Variants in TMEM163 observed in about 807,000 individuals in gnomAD.
The protein encoded by TMEM163 is transmembrane protein 163.
A neutral mutation model predicts 29.3 loss-of-function variants in TMEM163; 17 were observed. The ratio of observed to expected loss-of-function variants is 0.58; its 90% CI spans 0.40 to 0.87. The LOEUF (loss-of-function observed/expected upper bound fraction) is 0.87. TMEM163 is among the 40% of genes least tolerant of loss of function. The pLI, the probability that TMEM163 is intolerant of heterozygous loss-of-function variation, is 0.00. For missense variants in TMEM163, 303 were observed against 381.5 expected (o/e 0.79, Z 1.71); for synonymous variants, 157 against 160.6 (o/e 0.98, Z 0.17).
At chr2:134,709,177 CT>C (rs915580948) in intron 2 of TMEM163, among the ~76,000 whole-genome samples, 5 of 152,136 alleles carry the variant, frequency 3.3e-5, no homozygotes, top group East Asian at 1.9e-4. Flanking sequence ...TTAAAACAGA[CT>C]TTTTTTTCCA....
intron 5 of TMEM163, among the ~76,000 whole-genome samples, chr2:134,482,228 C>T (rs1679209341): frequency 6.6e-6 from 1 of 152,112 alleles, no homozygotes; most frequent in South Asian, 2.1e-4. Context: ...AGAAAAACCT[C>T]ATGTAGAAAT....
chr2:134,547,416 T>C (rs1485425840), intron 4 of TMEM163, among the ~76,000 whole-genome samples: 1 of 152,090 alleles, frequency 6.6e-6, no homozygotes, highest in Non-Finnish European at 1.5e-5. Flanking sequence ...TCAAGATTCA[T>C]CCCAAGGTTT....
At chr2:134,502,381 A>G (rs1029167077) in intron 5 of TMEM163, among the ~76,000 whole-genome samples, 3 of 152,224 alleles carry the variant, frequency 2.0e-5, no homozygotes, top group Non-Finnish European at 4.4e-5. Flanking sequence ...AGTGCCGGTA[A>G]TGACTCTCAC....
At chr2:134,715,945 C>T (rs1477460252) in intron 1 of TMEM163, among the ~76,000 whole-genome samples, 1 of 152,170 alleles carries the variant, frequency 6.6e-6, no homozygotes, top group Non-Finnish European at 1.5e-5. Flanking sequence ...TAATGAGAGA[C>T]TGATCCTTTA....
chr2:134,629,571 C>T (rs1331682932), intron 2 of TMEM163, among the ~76,000 whole-genome samples: 1 of 152,160 alleles, frequency 6.6e-6, no homozygotes, highest in African/African-American at 2.4e-5. Context: ...TTGTACCTTT[C>T]TGTTTTAATT....
At chr2:134,512,260 C>G (rs1679964882) in intron 4 of TMEM163, among the ~76,000 whole-genome samples, 1 of 152,148 alleles carries the variant, frequency 6.6e-6, no homozygotes, top group South Asian at 2.1e-4. Flanking sequence ...GAGGTCGAGA[C>G]TAGCCTGGCC....
chr2:134,645,045 C>T (rs1299299101), intron 2 of TMEM163, among the ~76,000 whole-genome samples: 1 of 152,160 alleles, frequency 6.6e-6, no homozygotes, highest in Non-Finnish European at 1.5e-5. Flanking sequence ...TAGGGAAATG[C>T]AAACTAAAAC....
At chr2:134,603,135 C>T (rs947247835) in intron 2 of TMEM163, among the ~76,000 whole-genome samples, 1 of 152,120 alleles carries the variant, frequency 6.6e-6, no homozygotes, top group African/African-American at 2.4e-5. Flanking sequence ...CTTTCCCAGC[C>T]CCATAGCCAC....
intron 5 of TMEM163, among the ~76,000 whole-genome samples, chr2:134,496,682 T>C (rs1306172381): frequency 6.6e-6 from 1 of 152,186 alleles, no homozygotes; most frequent in African/African-American, 2.4e-5. Context: ...GAAGGAATTG[T>C]AGGCAAAAAC....
Position 134,560,881 on chromosome 2 carries a change from A to G in TMEM163, c.323-8790T>C, listed in dbSNP as rs1460802483. On this transcript the variant is annotated intron_variant, in intron 2 of 7. Transcript: ENST00000281924. ...ACATGGGCAGGATGCCTGCCACTCA[A>G]CAGGGAGAGACCTGGGTTTCAAGAA... 2.0e-5 allele frequency among the ~76,000 whole-genome samples: 3 copies of G among 152,204 alleles called. No homozygotes were observed. The East Asian group carries it at 5.8e-4, about 29-fold the overall frequency.
chr2:134,690,269 C>T (rs1360980894), intron 2 of TMEM163, among the ~76,000 whole-genome samples: 2 of 150,912 alleles, frequency 1.3e-5, no homozygotes, highest in Non-Finnish European at 2.9e-5. Context: ...ATCAAGTTAT[C>T]AAACTTTACC....
At chr2:134,558,981 A>T (rs1681108838) in intron 2 of TMEM163, among the ~76,000 whole-genome samples, 2 of 152,200 alleles carry the variant, frequency 1.3e-5, no homozygotes, top group African/African-American at 4.8e-5. Flanking sequence ...CCATCTTTCC[A>T]TCATCCACAA....
At chr2:134,649,391 G>A (rs182794091) in intron 2 of TMEM163, among the ~76,000 whole-genome samples, 49 of 152,232 alleles carry the variant, frequency 3.2e-4, no homozygotes, top group Admixed American at 1.2e-3. Flanking sequence ...CACCCTCAAA[G>A]CGCTAATGCA....
At chr2:134,563,579 C>T (rs1237686683) in intron 2 of TMEM163, among the ~76,000 whole-genome samples, 2 of 152,306 alleles carry the variant, frequency 1.3e-5, no homozygotes, top group South Asian at 2.1e-4. Flanking sequence ...ATATGCAAGA[C>T]TTCTACCTAG....
At chr2:134,660,782 G>A (rs1301726098) in intron 2 of TMEM163, among the ~76,000 whole-genome samples, 1 of 152,188 alleles carries the variant, frequency 6.6e-6, no homozygotes, top group African/African-American at 2.4e-5. Flanking sequence ...CATGCCCCGT[G>A]GCATTGCTGA....
intron 4 of TMEM163, among the ~76,000 whole-genome samples, chr2:134,528,576 C>T (rs1680344802): frequency 6.6e-6 from 1 of 152,244 alleles, no homozygotes; most frequent in Non-Finnish European, 1.5e-5. Flanking sequence ...TCTTGATCAG[C>T]CAAACAATTT....
intron 4 of TMEM163, among the ~76,000 whole-genome samples, chr2:134,506,810 G>A (rs1679834880): frequency 6.6e-6 from 1 of 152,196 alleles, no homozygotes; most frequent in Admixed American, 6.5e-5. Flanking sequence ...CCAGGCTTGG[G>A]GGACCAGAGA....
At chr2:134,675,595 A>C (rs958732912) in intron 2 of TMEM163, among the ~76,000 whole-genome samples, 1 of 152,198 alleles carries the variant, frequency 6.6e-6, no homozygotes, top group Non-Finnish European at 1.5e-5. Context: ...TGTCTGAAAA[A>C]AAAATGACTT....
At chr2:134,645,818 G>A (rs1422772289) in intron 2 of TMEM163, among the ~76,000 whole-genome samples, 2 of 152,122 alleles carry the variant, frequency 1.3e-5, no homozygotes, top group African/African-American at 2.4e-5. Context: ...GGTGTTGGGG[G>A]TATATATAAA....
Sources: allele counts gnomAD v4.1 joint callset (sites outside exome capture counted in the v4.1 genomes callset), GRCh38; gene constraint gnomAD v4.1.1; transcripts MANE v1.5; gene names NCBI Gene and HGNC (gene_info 2026-07-23, HGNC 2026-07-21).